The following GNAS variants were observed in gnomAD, a reference collection of about 807,000 sequenced individuals.
GNAS encodes GNAS complex locus.
A neutral mutation model predicts 54.5 loss-of-function variants in GNAS; 8 were observed. The observed-to-expected ratio is 0.15, with a 90% CI of 0.09 to 0.26. The LOEUF (loss-of-function observed/expected upper bound fraction) is 0.26, where lower values mean the gene tolerates loss of function less well. GNAS is among the 10% of genes least tolerant of loss of function. The probability of loss-of-function intolerance (pLI) is 1.00; values close to 1 mark genes in which losing one functional copy is unlikely to be tolerated. For synonymous variants in GNAS, 204 were observed against 191.4 expected (o/e 1.07, Z -0.54); for missense variants, 170 against 529.8 (o/e 0.32, Z 6.67).
intron 3 of GNAS, among the ~76,000 whole-genome samples, chr20:58,899,735 A>G (rs189883034): frequency 0.011 from 1,674 of 147,684 alleles, 9 homozygotes; most frequent in Middle Eastern, 0.024. Flanking sequence ...CGCGCCGCGC[A>G]CACACACACG....
intron 1 of GNAS, chr20:58,852,705 A>C: frequency 5.0e-6 from 1 of 199,544 alleles, no homozygotes. Flanking sequence ...CCAGCGGAGA[A>C]GCGAGGAGAA....
chr20:58,845,015 C>T (rs997998145), intron 1 of GNAS, among the ~76,000 whole-genome samples: 1 of 142,716 alleles, frequency 7.0e-6, no homozygotes, highest in Non-Finnish European at 1.5e-5. Context: ...TCCTGAGAGT[C>T]GTATTTAGTG....
chr20:58,877,598 A>C (rs906482204), intron 1 of GNAS, among the ~76,000 whole-genome samples: 1 of 152,248 alleles, frequency 6.6e-6, no homozygotes, highest in South Asian at 2.1e-4. Context: ...TCAGAGCAGG[A>C]TAAAGGGACA....
chr20:58,899,995 T>A, intron 3 of GNAS: 1 of 717,324 alleles, frequency 1.4e-6, no homozygotes, highest in East Asian at 2.7e-5. Context: ...TCTTCCCGGC[T>A]ATGTCCTATC....
chr20:58,903,072 C>A, intron 3 of GNAS: 1 of 326,410 alleles, frequency 3.1e-6, no homozygotes, highest in South Asian at 2.6e-5. Context: ...ACCACCTGTG[C>A]TCACTGGTTC....
intron 1 of GNAS, among the ~76,000 whole-genome samples, chr20:58,882,162 G>T (rs1357067300): frequency 6.6e-6 from 1 of 152,132 alleles, no homozygotes; most frequent in East Asian, 1.9e-4. Flanking sequence ...TCCGCCTCCC[G>T]GGTTCACGCC....
intron 1 of GNAS, among the ~76,000 whole-genome samples, chr20:58,894,107 C>T (rs1008680688): frequency 4.6e-5 from 7 of 152,132 alleles, no homozygotes; most frequent in South Asian, 2.1e-4. Context: ...TCTTTTTACT[C>T]CATCTTAATG....
chr20:58,889,456 C>G (rs2088899224), upstream of GNAS: 1 of 663,030 alleles, frequency 1.5e-6, no homozygotes, highest in Non-Finnish European at 1.9e-6. Flanking sequence ...GGCGCCGCTG[C>G]CTTGCCCCGG....
chr20:58,855,743 G>A (rs2086465447), intron 1 of GNAS: 3 of 621,244 alleles, frequency 4.8e-6, no homozygotes, highest in South Asian at 1.9e-5. Flanking sequence ...GGGAAGGCGC[G>A]CCCCGCCTCG....
rs921846539 is a variant in GNAS, at chr20:58,898,806, A to AGGAT, written c.213-128_213-125dup. On this transcript the variant is annotated intron_variant, in intron 2 of 12. Transcript: ENST00000371085. ...GAAAGGCGACCTAAGAATTGCCGGG[A>AGGAT]GGATGGATGGCTGGCGCGCGAATTG... 1.6e-5 allele frequency: 13 copies of AGGAT among 821,532 alleles called. No homozygotes were observed. The African/African-American group carries it at 1.7e-4, about 11-fold the overall frequency. 50.9% of individuals were successfully genotyped at this position (821,532 alleles called of 1,614,324 possible).
At chr20:58,907,457 T>C (rs1325761062) in intron 6 of GNAS, among the ~76,000 whole-genome samples, 8 of 152,228 alleles carry the variant, frequency 5.3e-5, no homozygotes. Flanking sequence ...GTTTGCATTT[T>C]GTATTTTGGA....
intron 1 of GNAS, chr20:58,844,154 A>G (rs2085850330): frequency 6.6e-6 from 1 of 152,240 alleles, no homozygotes. Context: ...CTGCTCTTCA[A>G]GAAGAGGGAA....
intron 1 of GNAS, chr20:58,876,996 A>G (rs2087864681): frequency 6.6e-6 from 1 of 152,234 alleles, no homozygotes; most frequent in African/African-American, 2.4e-5. Context: ...TAAAATTTCC[A>G]TCACCAAAGG....
At chr20:58,897,128 T>G (rs1160766084) in intron 2 of GNAS, among the ~76,000 whole-genome samples, 1 of 152,218 alleles carries the variant, frequency 6.6e-6, no homozygotes, top group East Asian at 1.9e-4. Flanking sequence ...ACAGGGGGCT[T>G]CTTCACTCAT....
intron 1 of GNAS, among the ~76,000 whole-genome samples, chr20:58,894,490 AACAAT>A (rs2089850943): frequency 6.6e-6 from 1 of 152,248 alleles, no homozygotes; most frequent in African/African-American, 2.4e-5. Context: ...ATTAAAACAA[AACAAT>A]ACAATTAAAA....
intron 1 of GNAS, among the ~76,000 whole-genome samples, chr20:58,858,063 G>C (rs1185605308): frequency 6.6e-6 from 1 of 152,150 alleles, no homozygotes; most frequent in Non-Finnish European, 1.5e-5. Flanking sequence ...GCTTCCTTTT[G>C]CAGAGGTGAC....
At position 58,909,124 on chromosome 20, in the gene GNAS, C is replaced by T. The variant is rs778699901; in HGVS notation, c.531-38C>T. On this transcript the variant is annotated intron_variant, in intron 6 of 12. Transcript: ENST00000371085. This position sits in a 1 kb window ranked among gnomAD's most constrained non-coding sequence, Gnocchi z 7.3. ...CAAATAGTTGGCAAATTGATGTGAGCGCTGTGAACACCCCACGTGTCTTTC... is the reference window on the plus strand; with the variant it reads ...CAAATAGTTGGCAAATTGATGTGAGTGCTGTGAACACCCCACGTGTCTTTC... The T allele has an allele frequency of 1.7e-5, 26 of 1,574,630 alleles. No individual in the cohort carries two copies. Among genetic ancestry groups the T allele is most frequent in the Non-Finnish European group, 1.9e-5 (22 of 1,144,230 alleles).
intron 1 of GNAS, chr20:58,855,258 C>A: frequency 1.3e-6 from 2 of 1,588,872 alleles, no homozygotes; most frequent in Middle Eastern, 1.7e-4. Flanking sequence ...AGAGAAGAAA[C>A]GCAGTAAGCT....
chr20:58,890,302 G>GCGCCGTCGGGGGCGCCGAGGAGGGCGC (rs2089051965), upstream of GNAS, among the ~76,000 whole-genome samples: 1 of 147,726 alleles, frequency 6.8e-6, no homozygotes. Context: ...GCCGAGGAGG[G>GCGCCGTCGGGGGCGCCGAGGAGGGCGC]CGCCGTCGGG....
Sources: gnomAD v4.1 joint callset for allele counts (sites outside exome capture counted in the v4.1 genomes callset) on GRCh38, gnomAD v4.1.1 for gene constraint, Gnocchi (gnomAD v3.1) non-coding constraint, MANE v1.5 for transcripts, NCBI Gene and HGNC (gene_info 2026-07-23, HGNC 2026-07-21) for gene names.